Variants in FGF14 observed in about 807,000 individuals in gnomAD.
FGF14 encodes fibroblast growth factor 14.
FGF14 carries 5 observed loss-of-function variants against 25.5 expected under a neutral mutation model. The observed-to-expected ratio is 0.20, with a 90% CI of 0.10 to 0.41. The LOEUF (loss-of-function observed/expected upper bound fraction) is 0.41, where lower values mean the gene tolerates loss of function less well. FGF14 is among the 10% of genes least tolerant of loss of function. FGF14 has a pLI of 1.00. For missense variants in FGF14, 222 were observed against 320.1 expected (o/e 0.69, Z 2.34); for synonymous variants, 138 against 118.3 (o/e 1.17, Z -1.08).
At chr13:102,294,235 A>C (rs1351539022) in intron 1 of FGF14, among the ~76,000 whole-genome samples, 1 of 152,194 alleles carries the variant, frequency 6.6e-6, no homozygotes, top group Non-Finnish European at 1.5e-5. Flanking sequence ...TATTCAAATA[A>C]AATGTCTTTT....
At chr13:102,363,007 TAGTG>T (rs969715104) in intron 1 of FGF14, among the ~76,000 whole-genome samples, 4 of 152,026 alleles carry the variant, frequency 2.6e-5, no homozygotes, top group African/African-American at 9.7e-5. Flanking sequence ...TCATGAAAAA[TAGTG>T]AGCATGTTAA....
chr13:102,242,777 T>C (rs2051668910), intron 1 of FGF14, among the ~76,000 whole-genome samples: 2 of 152,098 alleles, frequency 1.3e-5, no homozygotes, highest in African/African-American at 4.8e-5. Flanking sequence ...GTCTTTGTCC[T>C]TTTCACAGTA....
chr13:102,264,100 G>C (rs945623), intron 1 of FGF14, among the ~76,000 whole-genome samples: 119,036 of 151,648 alleles, frequency 0.78, 47,488 homozygotes, highest in African/African-American at 0.93. Context: ...AATAAATTCG[G>C]GGAACCAATT....
intron 1 of FGF14, among the ~76,000 whole-genome samples, chr13:102,233,931 T>A (rs1445300957): frequency 6.6e-6 from 1 of 152,236 alleles, no homozygotes; most frequent in Non-Finnish European, 1.5e-5. Flanking sequence ...AAATAAACTA[T>A]GCTCTTCCAT....
chr13:102,298,816 T>C (rs1232276942), intron 1 of FGF14, among the ~76,000 whole-genome samples: 1 of 152,154 alleles, frequency 6.6e-6, no homozygotes, highest in African/African-American at 2.4e-5. Flanking sequence ...TTTTATTTTT[T>C]AAAATTCCGG....
intron 1 of FGF14, among the ~76,000 whole-genome samples, chr13:102,001,922 CAGG>C (rs1156782680): frequency 6.6e-6 from 1 of 151,408 alleles, no homozygotes; most frequent in African/African-American, 2.4e-5. Context: ...ACCCTGAGGC[CAGG>C]TCCCACATCT....
chr13:101,955,072 T>C (rs17631205), intron 1 of FGF14, among the ~76,000 whole-genome samples: 10 of 152,158 alleles, frequency 6.6e-5, no homozygotes, highest in Non-Finnish European at 1.3e-4. Flanking sequence ...AGCTGCCACC[T>C]GTACTGAGGC....
At chr13:102,045,879 G>C (rs1052828485) in intron 1 of FGF14, 1 of 153,190 alleles carries the variant, frequency 6.5e-6, no homozygotes, top group East Asian at 1.9e-4. Context: ...TCATGCAGAA[G>C]GGCCCGGGGT....
At chr13:101,917,931 T>C (rs1353407174), upstream of FGF14, among the ~76,000 whole-genome samples, 3 of 151,938 alleles carry the variant, frequency 2.0e-5, no homozygotes, top group African/African-American at 7.3e-5. Context: ...GGCAGAAATA[T>C]AAGGGGCAGA....
intron 1 of FGF14, among the ~76,000 whole-genome samples, chr13:102,026,104 T>C (rs908942389): frequency 5.9e-5 from 9 of 152,066 alleles, no homozygotes; most frequent in Non-Finnish European, 1.0e-4. Flanking sequence ...GATGTCTTTA[T>C]TGAAGTTCTC....
chr13:102,284,425 T>C (rs2053994629), intron 1 of FGF14, among the ~76,000 whole-genome samples: 4 of 152,158 alleles, frequency 2.6e-5, no homozygotes, highest in Admixed American at 2.6e-4. Flanking sequence ...AATTCATTAG[T>C]AAAGTTTACT....
At chr13:101,734,378 C>T (rs561774614) in intron 3 of FGF14, among the ~76,000 whole-genome samples, 11 of 152,162 alleles carry the variant, frequency 7.2e-5, no homozygotes, top group South Asian at 2.1e-4. Flanking sequence ...ATTTACAATA[C>T]GTCTATAAGT....
intron 1 of FGF14, among the ~76,000 whole-genome samples, chr13:101,977,530 G>A (rs1331477773): frequency 6.6e-6 from 1 of 151,958 alleles, no homozygotes; most frequent in South Asian, 2.1e-4. Context: ...TCAGAGAAAC[G>A]GCCCAGCATT....
intron 3 of FGF14, among the ~76,000 whole-genome samples, chr13:101,733,565 A>C (rs1038566582): frequency 1.4e-5 from 2 of 146,696 alleles, no homozygotes; most frequent in African/African-American, 5.1e-5. Context: ...ACTGCACTCC[A>C]GCCTGGCGAC....
chr13:101,862,100 T>G (rs1427410392), intron 3 of FGF14, among the ~76,000 whole-genome samples: 1 of 152,094 alleles, frequency 6.6e-6, no homozygotes, highest in Admixed American at 6.6e-5. Context: ...GGCTGAGCTT[T>G]AAGAGGGATG....
At chr13:102,186,730 C>T (rs926914363) in intron 1 of FGF14, among the ~76,000 whole-genome samples, 5 of 152,058 alleles carry the variant, frequency 3.3e-5, no homozygotes, top group African/African-American at 1.2e-4. Context: ...AACATAAGAG[C>T]GATGCCTGAG....
chr13:102,161,639 A>AG (rs2047721846), intron 1 of FGF14, among the ~76,000 whole-genome samples: 4 of 10,476 alleles, frequency 3.8e-4, no homozygotes, highest in Non-Finnish European at 6.5e-4. Flanking sequence ...AAGAAGAAGA[A>AG]GAAGAAGAAG....
chr13:102,013,180 A>T (rs2139813836), intron 1 of FGF14, among the ~76,000 whole-genome samples: 1 of 152,196 alleles, frequency 6.6e-6, no homozygotes, highest in South Asian at 2.1e-4. Context: ...ACAAACAAAA[A>T]ACACCAGAGA....
exon 1 of FGF14, chr13:102,401,718 T>TC: frequency 1.3e-6 from 2 of 1,543,692 alleles, no homozygotes; most frequent in Non-Finnish European, 1.8e-6. Flanking sequence ...CCCAGTTTTT[T>TC]CCCCTCACGT....
Sources: gnomAD v4.1 joint callset for allele counts (sites outside exome capture counted in the v4.1 genomes callset) on GRCh38, gnomAD v4.1.1 for gene constraint, MANE v1.5 for transcripts, NCBI Gene and HGNC (gene_info 2026-07-23, HGNC 2026-07-21) for gene names.